Variants in MARCHF3 observed in about 807,000 individuals in gnomAD.
MARCHF3 encodes membrane associated ring-CH-type finger 3, also known as E3 ubiquitin-protein ligase MARCHF3.
MARCHF3 carries 13 observed loss-of-function variants against 24.2 expected under a neutral mutation model. That is an observed-to-expected ratio of 0.54 (90% CI 0.35 to 0.85). MARCHF3 has a LOEUF of 0.85. MARCHF3 is among the 40% of genes least tolerant of loss of function. MARCHF3 has a pLI of 0.01. For synonymous variants in MARCHF3, 144 were observed against 137.3 expected (o/e 1.05, Z -0.34); for missense variants, 276 against 325.0 (o/e 0.85, Z 1.16).
chr5:126,924,147 C>A (rs935379734), intron 1 of MARCHF3, among the ~76,000 whole-genome samples: 1 of 152,166 alleles, frequency 6.6e-6, no homozygotes, highest in African/African-American at 2.4e-5. Context: ...CTTGCTCATT[C>A]AGGGGAAACC....
At chr5:126,919,616 G>GTGCATCA (rs1202941819) in intron 1 of MARCHF3, among the ~76,000 whole-genome samples, 1 of 152,180 alleles carries the variant, frequency 6.6e-6, no homozygotes, top group Non-Finnish European at 1.5e-5. Context: ...CCAGAACAAT[G>GTGCATCA]TGCATCAACT....
chr5:126,877,009 G>A (rs2126766736), intron 4 of MARCHF3, among the ~76,000 whole-genome samples: 1 of 152,346 alleles, frequency 6.6e-6, no homozygotes, highest in Middle Eastern at 3.4e-3. Context: ...ACTAGCCTGG[G>A]AACAGAATGT....
intron 1 of MARCHF3, among the ~76,000 whole-genome samples, chr5:127,020,511 G>C (rs932281372): frequency 6.6e-6 from 1 of 152,196 alleles, no homozygotes; most frequent in African/African-American, 2.4e-5. Context: ...TGGGACCTTT[G>C]AGAATTGATT....
chr5:126,959,864 A>C (rs1750582902), intron 1 of MARCHF3, among the ~76,000 whole-genome samples: 1 of 152,178 alleles, frequency 6.6e-6, no homozygotes, highest in African/African-American at 2.4e-5. Flanking sequence ...TATTCCGACC[A>C]GCAGCACTTC....
intron 1 of MARCHF3, among the ~76,000 whole-genome samples, chr5:126,997,403 A>G (rs1751984011): frequency 1.3e-5 from 2 of 152,228 alleles, no homozygotes; most frequent in Admixed American, 1.3e-4. Context: ...ATGAGAAGAC[A>G]AGAAAAAACA....
rs753709384 is a variant in MARCHF3, at chr5:126,915,100, G to A, written c.223C>T (p.His75Tyr). ...AAGTCCTCTTGGCTGCTGCCCTCGT[G>A]GCAGATCCTGCACATCGGCCGGTCA... ...FNDRPMCRIC[H>Y]EGSSQEDLLS... Residue 75 changes from histidine (H) to tyrosine (Y), a missense_variant, in exon 3 of 5, where the codon CAC becomes TAC. By Grantham distance (83) the His-to-Tyr change is moderately conservative. Transcript: ENST00000308660. The A allele has an allele frequency of 1.2e-6, 2 of 1,614,112 alleles. No homozygotes were observed. Among genetic ancestry groups the A allele is most frequent in the Non-Finnish European group, 1.7e-6 (2 of 1,180,038 alleles).
chr5:126,949,587 C>A (rs1457860620), intron 1 of MARCHF3, among the ~76,000 whole-genome samples: 1 of 152,164 alleles, frequency 6.6e-6, no homozygotes, highest in African/African-American at 2.4e-5. Flanking sequence ...TGAGACCCAG[C>A]CCTTGACAAA....
chr5:127,019,025 G>T (rs1172126579), intron 1 of MARCHF3, among the ~76,000 whole-genome samples: 4 of 152,076 alleles, frequency 2.6e-5, no homozygotes, highest in African/African-American at 9.7e-5. Flanking sequence ...TAATATGCCA[G>T]AAATATAGAA....
At chr5:126,878,462 G>A (rs1753244765) in intron 3 of MARCHF3, 68 bp from the exon 4 acceptor site, 4 of 1,464,170 alleles carry the variant, frequency 2.7e-6, no homozygotes, top group Non-Finnish European at 3.7e-6. Context: ...GTGGAGACAC[G>A]CTGTTCTGAA....
In MARCHF3 at chr5:126,869,582, C is replaced by CTTTGTTTTTT. The variant is rs1752893325; in HGVS notation, c.*1050_*1051insAAAAAACAAA. ...ATAAGTGCAGGGCTGCTAGGACAGG[C>CTTTGTTTTTT]TTTTTTTTTTTTTTTTTTTTTTGCC... is the stretch of plus-strand genomic sequence containing the variant. On this transcript the variant is annotated 3_prime_UTR_variant, in exon 5 of 5. Transcript: ENST00000308660. 1 of 79,832 alleles carries CTTTGTTTTTT rather than the reference C, an allele frequency of 1.3e-5. No individual in the cohort carries two copies. The highest frequency in any genetic ancestry group is 5.3e-5 in the African/African-American group (1 of 18,756). The allele number at this position is 79,832 out of a possible 1,614,324, so 4.9% of individuals were successfully genotyped here.
chr5:126,925,478 C>T (rs1447117780), intron 1 of MARCHF3, among the ~76,000 whole-genome samples: 2 of 152,022 alleles, frequency 1.3e-5, no homozygotes, highest in Admixed American at 1.3e-4. Flanking sequence ...AATCAAGTAA[C>T]AATTATCATA....
chr5:126,984,353 A>G (rs939733854), intron 1 of MARCHF3, among the ~76,000 whole-genome samples: 4 of 152,190 alleles, frequency 2.6e-5, no homozygotes, highest in Non-Finnish European at 5.9e-5. Context: ...ACAGCAGGAC[A>G]GGGGGATGTG....
intron 1 of MARCHF3, among the ~76,000 whole-genome samples, chr5:126,987,931 T>A (rs921435261): frequency 1.3e-5 from 2 of 150,408 alleles, no homozygotes; most frequent in African/African-American, 2.5e-5. Context: ...ATTGAAAAAC[T>A]GCCTGGATAT....
At position 126,936,379 on chromosome 5, in the gene MARCHF3, A is replaced by C. The variant is rs528946356; in HGVS notation, c.-56-18152T>G. On this transcript the variant is annotated intron_variant, in intron 1 of 4. Transcript: ENST00000308660. ...GAGATAATCATCCAACAGCCAGGGA[A>C]AGGTTAAATAAATACATAGTGTATC... Among the ~76,000 whole-genome samples the C allele has an allele frequency of 2.1e-3, 324 of 152,332 alleles. 1 individual carries two copies. The highest frequency in any genetic ancestry group is 3.7e-3 in the Non-Finnish European group (254 of 68,024).
chr5:126,905,960 G>C (rs1754278158), intron 3 of MARCHF3, among the ~76,000 whole-genome samples: 1 of 152,006 alleles, frequency 6.6e-6, no homozygotes, highest in African/African-American at 2.4e-5. Flanking sequence ...GTTTGTCATA[G>C]ATAGCGCTTA....
At chr5:126,968,949 C>T (rs1482043482) in intron 1 of MARCHF3, among the ~76,000 whole-genome samples, 1 of 152,124 alleles carries the variant, frequency 6.6e-6, no homozygotes, top group Non-Finnish European at 1.5e-5. Flanking sequence ...TCCTTCCATC[C>T]TATGGGCTGT....
chr5:126,950,909 T>G (rs1448321271), intron 1 of MARCHF3, among the ~76,000 whole-genome samples: 1 of 152,194 alleles, frequency 6.6e-6, no homozygotes, highest in East Asian at 1.9e-4. Context: ...AAATATAAAG[T>G]GTAAAATTTG....
At chr5:126,989,479 G>C (rs943604614) in intron 1 of MARCHF3, among the ~76,000 whole-genome samples, 1 of 152,032 alleles carries the variant, frequency 6.6e-6, no homozygotes, top group Non-Finnish European at 1.5e-5. Flanking sequence ...AGAAAATTAA[G>C]CAACAATTTA....
At chr5:126,929,816 C>T (rs1285599722) in intron 1 of MARCHF3, among the ~76,000 whole-genome samples, 1 of 152,176 alleles carries the variant, frequency 6.6e-6, no homozygotes, top group Non-Finnish European at 1.5e-5. Flanking sequence ...AGGTCTTTCC[C>T]ATGCTGTTCT....
Sources: allele counts gnomAD v4.1 joint callset (sites outside exome capture counted in the v4.1 genomes callset), GRCh38; gene constraint gnomAD v4.1.1; transcripts MANE v1.5; gene names NCBI Gene and HGNC (gene_info 2026-07-23, HGNC 2026-07-21).